Variants in CMAS observed in about 807,000 individuals in gnomAD.
CMAS encodes N-acylneuraminate cytidylyltransferase.
A neutral mutation model predicts 53.4 loss-of-function variants in CMAS; 21 were observed. The ratio of observed to expected loss-of-function variants is 0.39; its 90% confidence interval spans 0.28 to 0.57. The LOEUF (loss-of-function observed/expected upper bound fraction) is 0.57, where lower values mean the gene tolerates loss of function less well. CMAS is among the 20% of genes least tolerant of loss of function. The probability of loss-of-function intolerance (pLI) is 0.56; values close to 1 mark genes in which losing one functional copy is unlikely to be tolerated. For synonymous variants in CMAS, 189 were observed against 195.2 expected, an observed-to-expected ratio of 0.97 and a Z score of 0.27; for missense variants, 384 against 534.9, an observed-to-expected ratio of 0.72 and a Z score of 2.78.
intron 1 of CMAS, among the ~76,000 whole-genome samples, chr12:22,048,641 G>T (rs1256987505): frequency 6.6e-6 from 1 of 152,168 alleles, no homozygotes; most frequent in African/African-American, 2.4e-5. Flanking sequence ...CCTGCCTTTT[G>T]AGATGTAAAT....
chr12:22,055,746 A>T, intron 3 of CMAS, 136 bp downstream of exon 3: 1 of 695,444 alleles, frequency 1.4e-6, no homozygotes, highest in Non-Finnish European at 2.3e-6. Flanking sequence ...TTAGTAGGTA[A>T]TGACATTTAC....
At chr12:22,061,224 G>T in intron 5 of CMAS, 57 bp from the exon 6 acceptor site, 1 of 1,177,032 alleles carries the variant, frequency 8.5e-7, no homozygotes. Context: ...TTAGCCAGAT[G>T]AGAGGGAGTG....
intron 4 of CMAS, among the ~76,000 whole-genome samples, chr12:22,060,210 G>A (rs567820533): frequency 4.0e-4 from 61 of 151,782 alleles, no homozygotes; most frequent in African/African-American, 1.5e-3. Flanking sequence ...CAGAAACCTG[G>A]AGGATGTAAT....
chr12:22,063,460 A>T (rs985203402), intron 7 of CMAS, among the ~76,000 whole-genome samples: 1 of 152,164 alleles, frequency 6.6e-6, no homozygotes, highest in Non-Finnish European at 1.5e-5. Flanking sequence ...AAGCTTCTGT[A>T]TACCTTAGTT....
chr12:22,060,097 A>G (rs571796012), intron 4 of CMAS, among the ~76,000 whole-genome samples: 20 of 152,128 alleles, frequency 1.3e-4, no homozygotes, highest in African/African-American at 4.8e-4. Flanking sequence ...AAATTAGAAC[A>G]GAAGTTCCAA....
intron 3 of CMAS, 54 bp from the exon 4 acceptor site, chr12:22,058,513 T>G: frequency 6.6e-7 from 1 of 1,516,936 alleles, no homozygotes; most frequent in Non-Finnish European, 8.9e-7. Context: ...GTTACTAAAT[T>G]AACACTTTCT....
At chr12:22,052,581 GTTTA>G (rs1950243893) in intron 1 of CMAS, among the ~76,000 whole-genome samples, 1 of 152,020 alleles carries the variant, frequency 6.6e-6, no homozygotes, top group African/African-American at 2.4e-5. Context: ...TGCCTTCCCT[GTTTA>G]TTTTTTATTG....
intron 4 of CMAS, 72 bp downstream of exon 4, chr12:22,058,772 A>G: frequency 6.6e-7 from 1 of 1,517,234 alleles, no homozygotes; most frequent in Non-Finnish European, 8.9e-7. Context: ...GGGAAGAAGT[A>G]TGGTACAATT....
At chr12:22,059,067 C>T (rs565999336) in intron 4 of CMAS, among the ~76,000 whole-genome samples, 1 of 150,042 alleles carries the variant, frequency 6.7e-6, no homozygotes, top group East Asian at 2.0e-4. Flanking sequence ...TTTAAAAAGA[C>T]AAATAATTTC....
At chr12:22,063,830 C>T (rs1950325521) in intron 7 of CMAS, 5 of 151,906 alleles carry the variant, frequency 3.3e-5, no homozygotes, top group Middle Eastern at 6.8e-3. Flanking sequence ...CATGATGGCT[C>T]ATGCCTACAA....
intron 1 of CMAS, among the ~76,000 whole-genome samples, chr12:22,050,528 T>C (rs998247607): frequency 1.3e-5 from 2 of 152,236 alleles, no homozygotes; most frequent in African/African-American, 4.8e-5. Flanking sequence ...TTTAAAATTA[T>C]TTCTGGTGCT....
chr12:22,058,780 AT>A, intron 4 of CMAS, 80 bp downstream of exon 4: 1 of 1,479,134 alleles, frequency 6.8e-7, no homozygotes, highest in Non-Finnish European at 9.1e-7. Flanking sequence ...GTATGGTACA[AT>A]TTCTTTATGA....
rs1285622957 is a variant in CMAS, at chr12:22,062,541, G to A, written c.1114+107G>A. On this transcript the variant is annotated intron_variant, in intron 7 of 7. Transcript: ENST00000229329. ...TCCTCCAAATGGGTATGATTGTAGG[G>A]AAATAGGAACTCTTTTAACAAACAC... is the stretch of plus-strand genomic sequence containing the variant. 2.6e-6 allele frequency: 3 copies of A among 1,132,416 alleles called. No individual in the cohort carries two copies. The African/African-American group carries it at 4.8e-5, about 18-fold the overall frequency. 70.1% of individuals were successfully genotyped at this position (1,132,416 alleles called of 1,614,324 possible). A position where few individuals can be genotyped will look rare whatever the true frequency, so the allele number is the denominator to read the frequency against.
chr12:22,055,733 A>C, intron 3 of CMAS, 123 bp downstream of exon 3: 1 of 758,490 alleles, frequency 1.3e-6, no homozygotes, highest in Non-Finnish European at 2.1e-6. Flanking sequence ...TTGACTCATT[A>C]CTTTAGTAGG....
chr12:22,063,560 CA>C (rs879667540), intron 7 of CMAS, among the ~76,000 whole-genome samples: 12 of 151,982 alleles, frequency 7.9e-5, no homozygotes, highest in Non-Finnish European at 1.5e-4. Flanking sequence ...ATAGTGCCTA[CA>C]GATAGTAATA....
intron 1 of CMAS, among the ~76,000 whole-genome samples, chr12:22,050,787 C>T (rs1950236190): frequency 6.6e-6 from 1 of 151,964 alleles, no homozygotes; most frequent in Non-Finnish European, 1.5e-5. Flanking sequence ...GAGGAGTGGG[C>T]AGAATTTGGC....
In CMAS at chr12:22,061,373, C is replaced by T; in HGVS notation, c.881C>T (p.Ser294Leu). The T allele has an allele frequency of 6.2e-7, 1 of 1,606,136 alleles. No homozygotes were observed. Among genetic ancestry groups the T allele is most frequent in the Non-Finnish European group, 8.5e-7 (1 of 1,174,050 alleles). ...CTCACCAATGGCCACATTTATGTAT[C>T]AGGAGACCAAAAAGAAATAATATCT... ...GCLTNGHIYV[S>L]GDQKEIISYD... Residue 294 changes from serine (S) to leucine (L), a missense_variant, in exon 6 of 8, where the codon TCA becomes TTA. Coordinates refer to ENST00000229329, the MANE Select transcript of CMAS (RefSeq NM_018686.6).
At chr12:22,059,215 T>C (rs1439014082) in intron 4 of CMAS, among the ~76,000 whole-genome samples, 1 of 150,474 alleles carries the variant, frequency 6.6e-6, no homozygotes, top group Non-Finnish European at 1.5e-5. Context: ...ATATGTATCA[T>C]TTTATCTGTC....
At chr12:22,058,019 G>A (rs952815104) in intron 3 of CMAS, among the ~76,000 whole-genome samples, 5 of 151,588 alleles carry the variant, frequency 3.3e-5, no homozygotes, top group African/African-American at 7.2e-5. Flanking sequence ...TGGAGATGGC[G>A]TTTCACTATG....
Sources: gnomAD v4.1 joint callset for allele counts (sites outside exome capture counted in the v4.1 genomes callset) on GRCh38, gnomAD v4.1.1 for gene constraint, MANE v1.5 for transcripts, NCBI Gene and HGNC (gene_info 2026-07-23, HGNC 2026-07-21) for gene names.